Variants in RPRD1A observed in about 807,000 individuals in gnomAD.
RPRD1A encodes regulation of nuclear pre-mRNA domain containing 1A, also known as regulation of nuclear pre-mRNA domain-containing protein 1A.
A neutral mutation model predicts 37.8 loss-of-function variants in RPRD1A; 9 were observed. The observed-to-expected ratio is 0.24, with a 90% CI of 0.14 to 0.42. The LOEUF is 0.42. Among genes scored for constraint, RPRD1A ranks in the 10% least tolerant of loss-of-function variants. RPRD1A has a pLI of 1.00. For missense variants in RPRD1A, 255 were observed against 371.0 expected (o/e 0.69, Z 2.57); for synonymous variants, 138 against 139.7 (o/e 0.99, Z 0.08).
At chr18:35,994,788 CTCAA>C (rs1405027062) in intron 6 of RPRD1A, among the ~76,000 whole-genome samples, 1 of 152,180 alleles carries the variant, frequency 6.6e-6, no homozygotes, top group African/African-American at 2.4e-5. Flanking sequence ...TACAACGTTT[CTCAA>C]TCATTTTGCC....
chr18:36,048,248 T>C (rs1275378050), intron 1 of RPRD1A, among the ~76,000 whole-genome samples: 2 of 152,060 alleles, frequency 1.3e-5, no homozygotes, highest in East Asian at 3.9e-4. Context: ...GTATTTTTAG[T>C]AGAGACGGGG....
intron 1 of RPRD1A, among the ~76,000 whole-genome samples, chr18:36,037,085 G>A (rs536724194): frequency 6.6e-6 from 1 of 152,106 alleles, no homozygotes; most frequent in Non-Finnish European, 1.5e-5. Context: ...ATACAAATTG[G>A]CAGATGATAG....
At chr18:36,037,720 T>C (rs1180577677) in intron 1 of RPRD1A, among the ~76,000 whole-genome samples, 3 of 152,210 alleles carry the variant, frequency 2.0e-5, no homozygotes, top group Non-Finnish European at 4.4e-5. Context: ...TTGAATGGCT[T>C]TGACCAAAAT....
At chr18:36,046,160 T>G (rs1912936528) in intron 1 of RPRD1A, among the ~76,000 whole-genome samples, 1 of 152,110 alleles carries the variant, frequency 6.6e-6, no homozygotes, top group African/African-American at 2.4e-5. Flanking sequence ...CCAAACACCA[T>G]CGAAAAAATC....
intron 1 of RPRD1A, among the ~76,000 whole-genome samples, chr18:36,063,462 C>A (rs1568157369): frequency 6.8e-6 from 1 of 146,324 alleles, no homozygotes; most frequent in African/African-American, 2.5e-5. Flanking sequence ...GCCACAGTAC[C>A]CAGCTCATTC....
chr18:36,062,414 A>G (rs866625719), intron 1 of RPRD1A, among the ~76,000 whole-genome samples: 2 of 151,216 alleles, frequency 1.3e-5, no homozygotes, highest in Non-Finnish European at 2.9e-5. Context: ...TTCCCATATG[A>G]CCCAGAAATT....
At chr18:36,033,920 G>T in intron 1 of RPRD1A, 83 bp from the exon 2 acceptor site, 1 of 1,210,638 alleles carries the variant, frequency 8.3e-7, no homozygotes, top group Non-Finnish European at 1.2e-6. Context: ...TAAGCATTTT[G>T]AGAACTAAAA....
intron 1 of RPRD1A, among the ~76,000 whole-genome samples, chr18:36,054,691 A>T (rs1913638817): frequency 1.3e-5 from 2 of 152,096 alleles, no homozygotes. Context: ...TTCAGACTGC[A>T]GGAGAGCCTA....
chr18:36,023,204 T>C (rs975155843), intron 6 of RPRD1A, among the ~76,000 whole-genome samples: 4 of 152,236 alleles, frequency 2.6e-5, no homozygotes, highest in African/African-American at 4.8e-5. Flanking sequence ...CAGAAAATGA[T>C]TCACAATTCT....
chr18:36,012,840 G>A (rs1910263747), intron 6 of RPRD1A, among the ~76,000 whole-genome samples: 2 of 152,162 alleles, frequency 1.3e-5, no homozygotes, highest in South Asian at 4.1e-4. Context: ...ATTCATTAAT[G>A]TTTATTAGTA....
rs75675790 is a variant in RPRD1A, at chr18:36,041,662, C to T, written c.152-7825G>A. 9.7e-3 allele frequency among the ~76,000 whole-genome samples: 1,480 copies of T among 152,320 alleles called. 25 individuals carry two copies. Among genetic ancestry groups the T allele is most frequent in the African/African-American group, 0.034 (1,405 of 41,564 alleles). ...AACCTGTTTCCAAAACCTATAGATT[C>T]TAACAACTTCAAGACTTTTCCTTCC... On this transcript the variant is annotated intron_variant, in intron 1 of 6. Coordinates refer to ENST00000399022, the MANE Select transcript of RPRD1A (RefSeq NM_018170.5).
intron 1 of RPRD1A, among the ~76,000 whole-genome samples, chr18:36,052,007 A>G (rs1001813447): frequency 6.6e-6 from 1 of 152,164 alleles, no homozygotes; most frequent in Non-Finnish European, 1.5e-5. Flanking sequence ...GATAAACTCA[A>G]ACCCACACTA....
At chr18:36,052,077 C>T (rs148162997) in intron 1 of RPRD1A, among the ~76,000 whole-genome samples, 1 of 151,182 alleles carries the variant, frequency 6.6e-6, no homozygotes, top group Non-Finnish European at 1.5e-5. Flanking sequence ...AGCAAGGAGT[C>T]TCAGTAAGAT....
intron 1 of RPRD1A, among the ~76,000 whole-genome samples, chr18:36,062,430 C>G (rs962493026): frequency 2.6e-5 from 4 of 151,128 alleles, no homozygotes; most frequent in African/African-American, 9.7e-5. Flanking sequence ...AAATTCCACT[C>G]CTCAGTAAGT....
At chr18:36,065,792 A>G (rs2089017839) in intron 1 of RPRD1A, among the ~76,000 whole-genome samples, 1 of 152,136 alleles carries the variant, frequency 6.6e-6, no homozygotes, top group African/African-American at 2.4e-5. Flanking sequence ...TCACTGGCTT[A>G]CTTTTTCCTG....
At chr18:36,024,045 T>G (rs573486561) in intron 6 of RPRD1A, among the ~76,000 whole-genome samples, 299 of 152,362 alleles carry the variant, frequency 2.0e-3, no homozygotes, top group African/African-American at 7.0e-3. Context: ...TGCAATACTT[T>G]CAACTTCATA....
intron 1 of RPRD1A, among the ~76,000 whole-genome samples, chr18:36,051,719 T>TA (rs58172437): frequency 0.03 from 4,527 of 152,094 alleles, 224 homozygotes; most frequent in African/African-American, 0.1. Flanking sequence ...TAACAACAGT[T>TA]AAAAGTACAT....
Position 36,031,101 on chromosome 18 carries a change from AAAAAAAAAAAAAAG to A in RPRD1A, c.282-18_282-5del, listed in dbSNP as rs1187817406. The A allele has an allele frequency of 3.2e-5, 16 of 496,066 alleles. No individual in the cohort carries two copies. Among genetic ancestry groups the A allele is most frequent in the Non-Finnish European group, 4.1e-5 (14 of 339,064 alleles). The allele number at this position is 496,066 out of a possible 1,614,324, so 30.7% of individuals were successfully genotyped here. A position where few individuals can be genotyped will look rare whatever the true frequency, so the allele number is the denominator to read the frequency against. Reference sequence around the variant, plus strand: ...CTTACAACTTTCATCAGTTTCACTAAAAAAAAAAAAAAAGAAAAAAAGAAAAATGTTAACAGTAA... The same window carrying A: ...CTTACAACTTTCATCAGTTTCACTAAAAAAAAAGAAAAATGTTAACAGTAA... On this transcript the variant is annotated splice_polypyrimidine_tract_variant and splice_region_variant and intron_variant, in intron 2 of 6. Transcript: ENST00000399022.
intron 1 of RPRD1A, among the ~76,000 whole-genome samples, chr18:36,045,888 G>T (rs914464131): frequency 5.3e-5 from 8 of 152,126 alleles, no homozygotes; most frequent in South Asian, 2.1e-4. Context: ...GGGAAAAAAG[G>T]GGGGGCACTT....
Sources: allele counts gnomAD v4.1 joint callset (sites outside exome capture counted in the v4.1 genomes callset), GRCh38; gene constraint gnomAD v4.1.1; transcripts MANE v1.5; gene names NCBI Gene and HGNC (gene_info 2026-07-23, HGNC 2026-07-21).